CFAP47: variants seen among roughly 807,000 people sequenced by gnomAD.
CFAP47 encodes the protein cilia- and flagella-associated protein 47.
Under a neutral mutation model 148.1 loss-of-function variants are expected in CFAP47, and 29 were observed. That is an observed-to-expected ratio of 0.20 (90% CI 0.15 to 0.27). The LOEUF (loss-of-function observed/expected upper bound fraction) is 0.27. CFAP47 is among the 10% of genes least tolerant of loss of function. The pLI is 1.00. For missense variants in CFAP47, 1,872 were observed against 1,697.5 expected (o/e 1.10, Z -1.81); for synonymous variants, 664 against 577.3 (o/e 1.15, Z -2.15).
intron 37 of CFAP47, among the ~76,000 whole-genome samples, chrX:36,153,713 C>T (rs1213208873): frequency 1.8e-5 from 2 of 112,311 alleles, no homozygotes; most frequent in Non-Finnish European, 3.8e-5. Flanking sequence ...AATGGTACTA[C>T]ATGGATGCCT....
chrX:36,200,749 T>G (rs1203874754), intron 43 of CFAP47, among the ~76,000 whole-genome samples: 2 of 111,919 alleles, frequency 1.8e-5, no homozygotes, highest in African/African-American at 3.2e-5. Context: ...TACAAAATAT[T>G]TACTTGGCAA....
At chrX:36,302,415 G>A (rs1556007983) in intron 53 of CFAP47, among the ~76,000 whole-genome samples, 1 of 111,350 alleles carries the variant, frequency 9.0e-6, no homozygotes. Context: ...ACTGAATTCT[G>A]CTCAGCACAT....
At chrX:36,282,036 GA>G (rs1194144071) in intron 50 of CFAP47, among the ~76,000 whole-genome samples, 1 of 108,569 alleles carries the variant, frequency 9.2e-6, no homozygotes, top group Non-Finnish European at 1.9e-5. Flanking sequence ...TTGGTCAATA[GA>G]AAAAAAAAGA....
chrX:36,067,791 A>T (rs555154302), intron 27 of CFAP47, among the ~76,000 whole-genome samples: 46 of 108,054 alleles, frequency 4.3e-4, no homozygotes, highest in Middle Eastern at 4.8e-3. Flanking sequence ...GCCTCCCGAG[A>T]AGCTGGGACT....
At chrX:36,004,911 CTGTT>C (rs1210591571) in intron 21 of CFAP47, among the ~76,000 whole-genome samples, 1 of 111,369 alleles carries the variant, frequency 9.0e-6, no homozygotes, top group Non-Finnish European at 1.9e-5. Flanking sequence ...TTAATGTAAT[CTGTT>C]TGCTGTTATA....
chrX:36,336,314 C>T (rs1194896359), intron 57 of CFAP47, among the ~76,000 whole-genome samples: 4 of 106,706 alleles, frequency 3.7e-5, no homozygotes, highest in Non-Finnish European at 7.7e-5. Flanking sequence ...CATTCTCCCC[C>T]AGCTGGTTGA....
chrX:35,960,104 T>C (rs774166507), intron 8 of CFAP47, among the ~76,000 whole-genome samples: 1 of 104,149 alleles, frequency 9.6e-6, no homozygotes, highest in East Asian at 3.0e-4. Flanking sequence ...TTACTGTAGC[T>C]TTTTTTTTCT....
chrX:35,924,980 G>T (rs992428140), intron 1 of CFAP47, among the ~76,000 whole-genome samples: 1 of 111,589 alleles, frequency 9.0e-6, no homozygotes, highest in East Asian at 2.8e-4. Context: ...GGTGGGCAGA[G>T]AAAGGAAAAA....
At position 36,070,492 on chromosome X, in the gene CFAP47, T is replaced by A. The variant is rs748375339; in HGVS notation, c.4319-1333T>A. Among the ~76,000 whole-genome samples, 4 of 105,819 alleles carry A rather than the reference T, an allele frequency of 3.8e-5. No homozygotes were observed. In the East Asian group the frequency reaches 1.2e-3, roughly 31 times the overall value. 91.9% of individuals were successfully genotyped at this position (105,819 alleles called of 115,157 possible). ...CGGGCAAAATTAGCTTTCTTTTTCT[T>A]TTCCTTTTTTTTTTTTTTTTTTTGA... is the stretch of plus-strand genomic sequence containing the variant. On this transcript the variant is annotated intron_variant, in intron 27 of 63. Transcript: ENST00000378653.
Position 36,117,162 on chromosome X carries a change from C to A in CFAP47, c.5320+12471C>A, listed in dbSNP as rs145039014. On this transcript the variant is annotated intron_variant, in intron 33 of 63. Transcript: ENST00000378653. ...CTTTATTCATTCATCTCTTGATGAGCACTTAATTTGCTTCCAAATCTTGGC... is the reference window on the plus strand; with the variant it reads ...CTTTATTCATTCATCTCTTGATGAGAACTTAATTTGCTTCCAAATCTTGGC... Among the ~76,000 whole-genome samples the A allele has an allele frequency of 5.3e-3, 596 of 112,078 alleles. 5 individuals carry two copies. The highest frequency in any genetic ancestry group is 0.018 in the African/African-American group (568 of 30,894).
At chrX:36,121,117 CTTCT>C (rs768205161) in intron 33 of CFAP47, among the ~76,000 whole-genome samples, 1 of 111,185 alleles carries the variant, frequency 9.0e-6, no homozygotes, top group South Asian at 3.8e-4. Context: ...ATATAGTGAC[CTTCT>C]TTGTCTTCTG....
chrX:36,369,258 A>G (rs1941907275), intron 62 of CFAP47, among the ~76,000 whole-genome samples: 1 of 111,257 alleles, frequency 9.0e-6, no homozygotes, highest in Non-Finnish European at 1.9e-5. Flanking sequence ...AATATAAAAA[A>G]AAACAAACTC....
At chrX:36,123,043 T>G (rs1028042589) in intron 33 of CFAP47, among the ~76,000 whole-genome samples, 1 of 112,330 alleles carries the variant, frequency 8.9e-6, no homozygotes, top group African/African-American at 3.2e-5. Flanking sequence ...TTATGGTTCT[T>G]GCAGACTCAT....
chrX:36,062,742 G>A (rs948571497), intron 26 of CFAP47, among the ~76,000 whole-genome samples: 1 of 111,309 alleles, frequency 9.0e-6, no homozygotes, highest in Non-Finnish European at 1.9e-5. Context: ...CTGTTAAGCG[G>A]TAGAGAGTTT....
intron 57 of CFAP47, among the ~76,000 whole-genome samples, chrX:36,327,046 G>A (rs1941522920): frequency 9.1e-6 from 1 of 110,041 alleles, no homozygotes; most frequent in South Asian, 3.9e-4. Flanking sequence ...ATTGGCCTTG[G>A]TGAAGAATTT....
Position 36,270,327 on chromosome X carries a change from T to C in CFAP47, c.7445-10160T>C, listed in dbSNP as rs1940943592. ...CCTCCACATTCTTGACCATACTTAA[T>C]AGGGTTACTCATTCTAATTTTAACT... On this transcript the variant is annotated intron_variant, in intron 49 of 63. Coordinates refer to ENST00000378653, the MANE Select transcript of CFAP47 (RefSeq NM_001304548.2). Among the ~76,000 whole-genome samples the C allele has an allele frequency of 4.5e-5, 5 of 110,871 alleles. No homozygotes were observed. In the South Asian group the frequency reaches 1.9e-3, roughly 41 times the overall value.
At position 36,071,841 on chromosome X, in the gene CFAP47, T is replaced by A; in HGVS notation, c.4335T>A (p.Leu1445=). Reference sequence around the variant, plus strand: ...CATTTGTAGATAAGGATGAATATCTTAAGAAGACTAGAGATGGTGTTTTGC... The same window carrying A: ...CATTTGTAGATAAGGATGAATATCTAAAGAAGACTAGAGATGGTGTTTTGC... ...IILKNDKDEY[L]KKTRDGVLPP... is the part of the protein sequence containing the mutation. Residue 1445 remains leucine (L), a synonymous_variant, in exon 28 of 64, where the codon CTT becomes CTA. Transcript: ENST00000378653. The A allele has an allele frequency of 1.7e-6, 2 of 1,205,204 alleles. No homozygotes were observed. Among genetic ancestry groups the A allele is most frequent in the Middle Eastern group, 2.3e-4 (1 of 4,335 alleles).
chrX:36,287,519 G>A (rs1345174967), intron 51 of CFAP47, among the ~76,000 whole-genome samples: 1 of 111,078 alleles, frequency 9.0e-6, no homozygotes. Context: ...AGATTAAAAC[G>A]CAATTATCGA....
chrX:36,257,007 GT>G (rs1237315408), intron 49 of CFAP47, among the ~76,000 whole-genome samples: 2 of 112,424 alleles, frequency 1.8e-5, no homozygotes, highest in Non-Finnish European at 3.8e-5. Context: ...ACCCATGAAT[GT>G]TTTTAAAGGC....
Sources: gnomAD v4.1 joint callset for allele counts (sites outside exome capture counted in the v4.1 genomes callset) on GRCh38, gnomAD v4.1.1 for gene constraint, MANE v1.5 for transcripts, NCBI Gene and HGNC (gene_info 2026-07-23, HGNC 2026-07-21) for gene names.